The following XKR4 variants were observed in gnomAD, a reference collection of about 807,000 sequenced individuals.
The protein encoded by XKR4 is XK-related protein 4.
A neutral mutation model predicts 53.9 loss-of-function variants in XKR4; 12 were observed. The observed-to-expected ratio is 0.22, with a 90% CI of 0.14 to 0.36. The LOEUF (loss-of-function observed/expected upper bound fraction) is 0.36. Among genes scored for constraint, XKR4 ranks in the 10% least tolerant of loss-of-function variants. The pLI, the probability that XKR4 is intolerant of heterozygous loss-of-function variation, is 1.00. For synonymous variants in XKR4, 354 were observed against 362.4 expected (o/e 0.98, Z 0.26); for missense variants, 799 against 859.5 (o/e 0.93, Z 0.88).
At chr8:55,362,393 G>A (rs1367379839) in intron 2 of XKR4, among the ~76,000 whole-genome samples, 2 of 152,162 alleles carry the variant, frequency 1.3e-5, no homozygotes, top group Non-Finnish European at 2.9e-5. Context: ...ACAGAGCATG[G>A]ACCAAAAGAG....
intron 1 of XKR4, among the ~76,000 whole-genome samples, chr8:55,275,461 AT>A (rs1431243527): frequency 6.6e-6 from 1 of 152,196 alleles, no homozygotes; most frequent in Non-Finnish European, 1.5e-5. Context: ...TAATAAATAT[AT>A]TCATTTTTGG....
At chr8:55,464,659 T>G (rs1805726740) in intron 2 of XKR4, among the ~76,000 whole-genome samples, 1 of 152,066 alleles carries the variant, frequency 6.6e-6, no homozygotes, top group African/African-American at 2.4e-5. Flanking sequence ...GAGAAGGAAA[T>G]AAAGGGTATT....
chr8:55,191,599 A>G (rs1817444457), intron 1 of XKR4, among the ~76,000 whole-genome samples: 1 of 152,268 alleles, frequency 6.6e-6, no homozygotes, highest in African/African-American at 2.4e-5. Context: ...GCCATTATGT[A>G]AAGACACACT....
At chr8:55,135,831 A>G (rs991205656) in intron 1 of XKR4, among the ~76,000 whole-genome samples, 1 of 152,168 alleles carries the variant, frequency 6.6e-6, no homozygotes, top group African/African-American at 2.4e-5. Flanking sequence ...ACAGCTCTGA[A>G]GAAAACATTG....
intron 1 of XKR4, among the ~76,000 whole-genome samples, chr8:55,348,806 GTAGA>G (rs975580609): frequency 6.6e-6 from 1 of 151,854 alleles, no homozygotes; most frequent in East Asian, 1.9e-4. Context: ...AGACAGACAA[GTAGA>G]TAGAGATGTT....
Position 55,528,326 on chromosome 8 carries a change from T to G in XKR4, c.*4099T>G, listed in dbSNP as rs1806904667. ...AGTTCTGTGTCACTTCAAAGTTTCT[T>G]TCTCTGAACAGATTGAATTGAGCAA... On this transcript the variant is annotated 3_prime_UTR_variant, in exon 3 of 3. Coordinates refer to ENST00000327381, the MANE Select transcript of XKR4 (RefSeq NM_052898.2). 6.6e-6 allele frequency: 1 copy of G among 152,240 alleles called. No individual in the cohort carries two copies. Among genetic ancestry groups the G allele is most frequent in the South Asian group, 2.1e-4 (1 of 4,832 alleles). 9.4% of individuals were successfully genotyped at this position (152,240 alleles called of 1,614,324 possible).
At chr8:55,433,875 TAA>T (rs1805136301) in intron 2 of XKR4, among the ~76,000 whole-genome samples, 2 of 151,826 alleles carry the variant, frequency 1.3e-5, no homozygotes, top group African/African-American at 4.8e-5. Context: ...AAAATTAAAA[TAA>T]AAAACATTAA....
chr8:55,326,770 C>A (rs1803301472), intron 1 of XKR4, among the ~76,000 whole-genome samples: 1 of 151,866 alleles, frequency 6.6e-6, no homozygotes, highest in South Asian at 2.1e-4. Flanking sequence ...CACATCCAGC[C>A]TACAACTGGT....
intron 2 of XKR4, among the ~76,000 whole-genome samples, chr8:55,463,559 A>T (rs1381529424): frequency 6.6e-6 from 1 of 152,104 alleles, no homozygotes; most frequent in Non-Finnish European, 1.5e-5. Flanking sequence ...CATCACAATT[A>T]AAAGAACTAG....
chr8:55,397,700 T>G (rs1431649632), intron 2 of XKR4, among the ~76,000 whole-genome samples: 4 of 152,022 alleles, frequency 2.6e-5, no homozygotes, highest in Non-Finnish European at 5.9e-5. Flanking sequence ...AGCCCGTGGG[T>G]GCATTCTAAG....
At chr8:55,127,537 G>C (rs1011139185) in intron 1 of XKR4, among the ~76,000 whole-genome samples, 30 of 150,074 alleles carry the variant, frequency 2.0e-4, no homozygotes, top group Non-Finnish European at 4.1e-4. Flanking sequence ...ACAGGCGTGA[G>C]CCACCATGCC....
intron 2 of XKR4, among the ~76,000 whole-genome samples, chr8:55,459,004 A>C (rs1301098056): frequency 1.3e-5 from 2 of 152,158 alleles, no homozygotes; most frequent in African/African-American, 2.4e-5. Flanking sequence ...CTCATATCAC[A>C]CTGACTAATT....
chr8:55,231,144 G>C (rs1032436718), intron 1 of XKR4, among the ~76,000 whole-genome samples: 2 of 152,132 alleles, frequency 1.3e-5, no homozygotes, highest in Non-Finnish European at 2.9e-5. Flanking sequence ...ATTAAAGGTG[G>C]TATCTATATG....
chr8:55,193,160 C>T, intron 1 of XKR4, among the ~76,000 whole-genome samples: 1 of 89,664 alleles, frequency 1.1e-5, no homozygotes, highest in Non-Finnish European at 2.7e-5. Context: ...CCCCCCATTA[C>T]CCGTCGAACT....
chr8:55,523,161 A>T, intron 2 of XKR4, 120 bp from the exon 3 acceptor site: 1 of 863,244 alleles, frequency 1.2e-6, no homozygotes, highest in South Asian at 1.9e-5. Flanking sequence ...AAAAAAAAGA[A>T]ATTAAGAGTC....
At chr8:55,384,618 A>T (rs982534133) in intron 2 of XKR4, among the ~76,000 whole-genome samples, 1 of 152,262 alleles carries the variant, frequency 6.6e-6, no homozygotes, top group African/African-American at 2.4e-5. Context: ...TCACTCAAAA[A>T]GCTAAGTTTA....
intron 1 of XKR4, among the ~76,000 whole-genome samples, chr8:55,257,532 A>G (rs563635744): frequency 6.6e-6 from 1 of 152,198 alleles, no homozygotes; most frequent in South Asian, 2.1e-4. Context: ...TTTCAAAGCA[A>G]TCCTGGCCAC....
chr8:55,445,799 G>C (rs778877775), intron 2 of XKR4, among the ~76,000 whole-genome samples: 1 of 152,140 alleles, frequency 6.6e-6, no homozygotes, highest in African/African-American at 2.4e-5. Context: ...TAAGAGTAAC[G>C]GTTACCACAG....
At position 55,530,441 on chromosome 8, in the gene XKR4, A is replaced by T. The variant is rs551556679; in HGVS notation, c.*6214A>T. The stretch of plus-strand genomic sequence containing the variant: ...AAATATTTGTTGAATTGAATTATAA[A>T]ATAATTGATGTGTTCTTTCCCTTCT... On this transcript the variant is annotated 3_prime_UTR_variant, in exon 3 of 3. Transcript: ENST00000327381. 6.6e-6 allele frequency: 1 copy of T among 152,344 alleles called. No individual in the cohort carries two copies. Among genetic ancestry groups the T allele is most frequent in the Admixed American group, 6.5e-5 (1 of 15,300 alleles). 9.4% of individuals were successfully genotyped at this position (152,344 alleles called of 1,614,324 possible). A position where few individuals can be genotyped will look rare whatever the true frequency, so the allele number is the denominator to read the frequency against.
Sources: gnomAD v4.1 joint callset for allele counts (sites outside exome capture counted in the v4.1 genomes callset) on GRCh38, gnomAD v4.1.1 for gene constraint, MANE v1.5 for transcripts, NCBI Gene and HGNC (gene_info 2026-07-23, HGNC 2026-07-21) for gene names.